The following NT5DC2 variants were observed in gnomAD, a reference collection of about 807,000 sequenced individuals.
NT5DC2 encodes 5'-nucleotidase domain containing 2.
Under a neutral mutation model 70.0 loss-of-function variants are expected in NT5DC2, and 41 were observed. That is an observed-to-expected ratio of 0.59 (90% CI 0.46 to 0.76). NT5DC2 has a LOEUF of 0.76. Among genes scored for constraint, NT5DC2 ranks in the 30% least tolerant of loss-of-function variants. NT5DC2 has a pLI of 0.00. For synonymous variants in NT5DC2, 299 were observed against 310.4 expected (o/e 0.96, Z 0.39); for missense variants, 705 against 783.2 (o/e 0.90, Z 1.19).
intron 1 of NT5DC2, among the ~76,000 whole-genome samples, chr3:52,530,774 A>T (rs2079349500): frequency 6.6e-6 from 1 of 152,254 alleles, no homozygotes; most frequent in African/African-American, 2.4e-5. Context: ...TCTGTGCAGC[A>T]ATCTCACTCT....
Position 52,533,702 on chromosome 3 carries a change from G to A in NT5DC2, c.36C>T (p.Arg12=). ...CGCCGTGGCCTCCGCACAGCAGCCA[G>A]CGCCGAGCGGCCGCCCGCAGCCCCG... ...AGAGLRAAAR[R]WLLCGGHGGP... The change falls in exon 1 of 14, where the codon CGC becomes CGT. Residue 12 remains arginine (R), a synonymous_variant. Coordinates refer to ENST00000422318, the MANE Select transcript of NT5DC2 (RefSeq NM_001134231.2). The A allele has an allele frequency of 1.2e-5, 12 of 1,023,356 alleles. No individual in the cohort carries two copies. The highest frequency in any genetic ancestry group is 1.4e-5 in the Non-Finnish European group (12 of 856,540). The allele number at this position is 1,023,356 out of a possible 1,614,324, so 63.4% of individuals were successfully genotyped here.
At position 52,528,437 on chromosome 3, in the gene NT5DC2, A is replaced by G. The variant is rs1429251134; in HGVS notation, c.642+9T>C. 6.2e-7 allele frequency: 1 copy of G among 1,613,424 alleles called. No individual in the cohort carries two copies. Among genetic ancestry groups the G allele is most frequent in the South Asian group, 1.1e-5 (1 of 91,078 alleles). On this transcript the variant is annotated intron_variant, in intron 5 of 13. Transcript: ENST00000422318. Reference sequence around the variant, plus strand: ...CATGGGGCAGGCTGGCTGCTGGGGTATGGAGTACCTTGCCATAGAAGCCAC... The same window carrying G: ...CATGGGGCAGGCTGGCTGCTGGGGTGTGGAGTACCTTGCCATAGAAGCCAC...
At position 52,525,042 on chromosome 3, in the gene NT5DC2, A is replaced by C. The variant is rs1311087215; in HGVS notation, c.1268T>G (p.Ile423Ser). 8.8e-6 allele frequency: 14 copies of C among 1,597,768 alleles called. No homozygotes were observed. Among genetic ancestry groups the C allele is most frequent in the Non-Finnish European group, 9.4e-6 (11 of 1,172,602 alleles). ...GTACTGCTCCGTGTTGATGATGCGG[A>C]TCTCACGCTCCAGCTCGGGGATGAT... The part of the protein sequence containing the change: ...GAIIPELERE[I>S]RIINTEQYMH... Residue 423 changes from isoleucine (I) to serine (S), a missense_variant, in exon 12 of 14, where the codon ATC becomes AGC. Coordinates refer to ENST00000422318, the MANE Select transcript of NT5DC2 (RefSeq NM_001134231.2).
Position 52,527,612 on chromosome 3 carries a change from C to T in NT5DC2, c.1037+5G>A. 1 of 1,612,598 alleles carries T rather than the reference C, an allele frequency of 6.2e-7. No homozygotes were observed. The highest frequency in any genetic ancestry group is 8.5e-7 in the Non-Finnish European group (1 of 1,179,776). ...CTGGCCCTGCAACCCCCACCATGCC[C>T]ATACTTGCGCCGGTCAGTGAAGAAG... On this transcript the variant is annotated splice_donor_5th_base_variant and intron_variant, in intron 9 of 13. Coordinates refer to ENST00000422318, the MANE Select transcript of NT5DC2 (RefSeq NM_001134231.2).
intron 9 of NT5DC2, 30 bp from the exon 10 acceptor site, chr3:52,527,405 A>C (rs2079293555): frequency 6.2e-7 from 1 of 1,610,764 alleles, no homozygotes; most frequent in African/African-American, 1.3e-5. Flanking sequence ...CATGACTTCC[A>C]GTCTGTGGCT....
In NT5DC2 at chr3:52,525,252, G is replaced by A; in HGVS notation, c.1163C>T (p.Pro388Leu). ...DFLRLTEWRG[P>L]RVLYFGDHLY... ...GTGGTCCCCGAAGTAGAGCACGCGG[G>A]GGCCACGCCATTCCGTCAAGCGTAA... The change falls in exon 11 of 14, where the codon CCC becomes CTC. Residue 388 changes from proline (P) to leucine (L), a missense_variant. Physicochemically the swap from Pro to Leu is moderately conservative, Grantham distance 98 (BLOSUM62 -3). Coordinates refer to ENST00000422318, the MANE Select transcript of NT5DC2 (RefSeq NM_001134231.2). 6.2e-7 allele frequency: 1 copy of A among 1,612,870 alleles called. No individual in the cohort carries two copies. The highest frequency in any genetic ancestry group is 1.1e-5 in the South Asian group (1 of 91,018).
chr3:52,524,877 T>C lies in NT5DC2; in HGVS notation c.1352A>G (p.Tyr451Cys), dbSNP rs1421951114. 2 of 1,612,264 alleles carry C rather than the reference T, an allele frequency of 1.2e-6. No homozygotes were observed. The highest frequency in any genetic ancestry group is 1.7e-5 in the Admixed American group (1 of 59,972). The change falls in exon 13 of 14, where the codon TAT becomes TGT. Residue 451 changes from tyrosine (Y) to cysteine (C), a missense_variant. Transcript: ENST00000422318. ...LTGLLERMQT[Y>C]QDAESRQVLA... ...CACCTGCCTCGACTCCGCGTCCTGA[T>C]AGGTCTGGGGACACAAAGTGTGCAT...
chr3:52,528,981 C>T (rs371043318), intron 2 of NT5DC2, 46 bp from the exon 3 acceptor site: 2 of 1,602,288 alleles, frequency 1.2e-6, no homozygotes, highest in African/African-American at 2.7e-5. Flanking sequence ...CCCTGCCAGA[C>T]CTGCTGGCTG....
chr3:52,524,672 T>C lies in NT5DC2; in HGVS notation c.1472A>G (p.Asn491Ser). Residue 491 changes from asparagine to serine, a missense_variant, in exon 14 of 14, where the codon AAC becomes AGC. By Grantham distance (46) the Asn-to-Ser change is conservative. Coordinates refer to ENST00000422318, the MANE Select transcript of NT5DC2 (RefSeq NM_001134231.2). The part of the protein sequence containing the change: ...QFGSIFRTFH[N>S]PTYFSRRLVR... ...GAGGCGCCTTGAGAAGTAGGTGGGGTTGTGGAAGGTGCGGAAGATGCTGCC... is the reference window on the plus strand; with the variant it reads ...GAGGCGCCTTGAGAAGTAGGTGGGGCTGTGGAAGGTGCGGAAGATGCTGCC... 1 of 1,612,572 alleles carries C rather than the reference T, an allele frequency of 6.2e-7. No individual in the cohort carries two copies. Among genetic ancestry groups the C allele is most frequent in the Non-Finnish European group, 8.5e-7 (1 of 1,179,944 alleles).
In NT5DC2 at chr3:52,533,716, C is replaced by T. The variant is rs886876737; in HGVS notation, c.22G>A (p.Ala8Thr). ...CACAGCAGCCAGCGCCGAGCGGCCG[C>T]CCGCAGCCCCGCACCCGCCATGCCC... MAGAGLR[A>T]AARRWLLCGG... Residue 8 changes from alanine to threonine, a missense_variant, in exon 1 of 14, where the codon GCG (alanine) becomes ACG (threonine). Physicochemically the swap from Ala to Thr is moderately conservative, Grantham distance 58. Transcript: ENST00000422318. 2 of 994,964 alleles carry T rather than the reference C, an allele frequency of 2.0e-6. No individual in the cohort carries two copies. The highest frequency in any genetic ancestry group is 2.4e-6 in the Non-Finnish European group (2 of 837,986). The allele number at this position is 994,964 out of a possible 1,614,324, so 61.6% of individuals were successfully genotyped here. A position where few individuals can be genotyped will look rare whatever the true frequency, so the allele number is the denominator to read the frequency against.
Position 52,529,849 on chromosome 3 carries a change from C to A in NT5DC2, c.233-515G>T. 5.9e-6 allele frequency: 1 copy of A among 170,390 alleles called. No individual in the cohort carries two copies. The highest frequency in any genetic ancestry group is 1.3e-5 in the Non-Finnish European group (1 of 77,364). The allele number at this position is 170,390 out of a possible 1,614,324, so 10.6% of individuals were successfully genotyped here. A position where few individuals can be genotyped will look rare whatever the true frequency, so the allele number is the denominator to read the frequency against. On this transcript the variant is annotated intron_variant, in intron 1 of 13. Transcript: ENST00000422318. This position sits in a 1 kb window ranked among gnomAD's most constrained non-coding sequence, Gnocchi z 4.1. ...TCAGCTGCCCTGCCCTGCCCCCTGG[C>A]CTCATCTCTCAGCCTCCCTGGGATT...
chr3:52,533,396 T>A (rs2079386478), intron 1 of NT5DC2, 110 bp downstream of exon 1: 2 of 1,196,270 alleles, frequency 1.7e-6, no homozygotes, highest in African/African-American at 1.6e-5. Flanking sequence ...TCCGGGGCCC[T>A]GGCGAGCCCC....
rs1420119415 is a variant in NT5DC2 at position 52,528,313 on chromosome 3, T to C, written c.643-2A>G. On this transcript the variant is annotated splice_acceptor_variant, in intron 5 of 13. Coordinates refer to ENST00000422318, the MANE Select transcript of NT5DC2 (RefSeq NM_001134231.2). LOFTEE classifies it high-confidence loss of function. ...CATGAACTGCTTAATGGAGGGACCC[T>C]GGGGAGGGGGCCATTGTCTCAGACA... The C allele has an allele frequency of 1.9e-6, 3 of 1,613,168 alleles. No individual in the cohort carries two copies.
Position 52,528,909 on chromosome 3 carries a change from G to A in NT5DC2, c.444C>T (p.Asp148=). The A allele has an allele frequency of 1.2e-6, 2 of 1,614,094 alleles. No individual in the cohort carries two copies. The highest frequency in any genetic ancestry group is 1.7e-6 in the Non-Finnish European group (2 of 1,180,014). The change falls in exon 3 of 14, where the codon GAC becomes GAT. Residue 148 remains aspartate (D), a synonymous_variant. Coordinates refer to ENST00000422318, the MANE Select transcript of NT5DC2 (RefSeq NM_001134231.2). ...YKYPEGIRKY[D]YNPSFAIRGL... is the part of the protein sequence containing the mutation. ...CACGGATGGCAAAGCTGGGGTTGTAGTCATACTTCCGAATCCCTTCTGGGT... is the reference window on the plus strand; with the variant it reads ...CACGGATGGCAAAGCTGGGGTTGTAATCATACTTCCGAATCCCTTCTGGGT...
rs1164551227 is a variant in NT5DC2, at chr3:52,529,454, C to T, written c.233-120G>A. The T allele has an allele frequency of 1.4e-5, 12 of 883,246 alleles. No individual in the cohort carries two copies. The highest frequency in any genetic ancestry group is 1.9e-5 in the Non-Finnish European group (11 of 569,288). The allele number at this position is 883,246 out of a possible 1,614,324, so 54.7% of individuals were successfully genotyped here. ...GCCTCAGAAACGCCCCACAATGGCA[C>T]CTCTTATTCCAGTGCTGGAGATGGT... On this transcript the variant is annotated intron_variant, in intron 1 of 13. Transcript: ENST00000422318. This position sits in a 1 kb window ranked among gnomAD's most constrained non-coding sequence, Gnocchi z 4.1.
At position 52,531,980 on chromosome 3, in the gene NT5DC2, G is replaced by A. The variant is rs1190104857; in HGVS notation, c.232+1526C>T. On this transcript the variant is annotated intron_variant, in intron 1 of 13. Coordinates refer to ENST00000422318, the MANE Select transcript of NT5DC2 (RefSeq NM_001134231.2). This position sits in a 1 kb window ranked among gnomAD's most constrained non-coding sequence, Gnocchi z 4.1. ...CACCGGGGTTGAGATCACCATTCAA[G>A]TCACCCCACCTGCATTAATCACTCT... 6.6e-6 allele frequency among the ~76,000 whole-genome samples: 1 copy of A among 152,140 alleles called. No individual in the cohort carries two copies. Among genetic ancestry groups the A allele is most frequent in the Non-Finnish European group, 1.5e-5 (1 of 68,032 alleles).
At position 52,524,680 on chromosome 3, in the gene NT5DC2, G is replaced by A; in HGVS notation, c.1464C>T (p.Thr488=). The A allele has an allele frequency of 1.2e-6, 2 of 1,612,922 alleles. No homozygotes were observed. Among genetic ancestry groups the A allele is most frequent in the Admixed American group, 1.7e-5 (1 of 60,030 alleles). ...FNAQFGSIFR[T]FHNPTYFSRR... Reference sequence around the variant, plus strand: ...TTGAGAAGTAGGTGGGGTTGTGGAAGGTGCGGAAGATGCTGCCGAACTGCG... The same window carrying A: ...TTGAGAAGTAGGTGGGGTTGTGGAAAGTGCGGAAGATGCTGCCGAACTGCG... The change falls in exon 14 of 14, where the codon ACC becomes ACT. Residue 488 remains threonine, a synonymous_variant. Coordinates refer to ENST00000422318, the MANE Select transcript of NT5DC2 (RefSeq NM_001134231.2).
Position 52,524,545 on chromosome 3 carries a change from T to A in NT5DC2, c.1599A>T (p.Ala533=). ...YPRRTPLQHE[A]PLWMDQLCTG... ...TGCAGAGCTGGTCCATCCAGAGGGG[T>A]GCCTCGTGCTGCAGCGGCGTACGGC... is the stretch of plus-strand genomic sequence containing the variant. The change falls in exon 14 of 14, where the codon GCA becomes GCT. Residue 533 remains alanine, a synonymous_variant. Transcript: ENST00000422318. 6.2e-7 allele frequency: 1 copy of A among 1,613,010 alleles called. No homozygotes were observed. The highest frequency in any genetic ancestry group is 1.1e-5 in the South Asian group (1 of 91,082).
intron 10 of NT5DC2, chr3:52,525,529 G>A (rs1004105929): frequency 1.3e-5 from 7 of 555,704 alleles, no homozygotes; most frequent in African/African-American, 5.7e-5. Context: ...CCCATGCCTC[G>A]AGGGCCTTCT....
Sources: gnomAD v4.1 joint callset for allele counts (sites outside exome capture counted in the v4.1 genomes callset) on GRCh38, gnomAD v4.1.1 for gene constraint, Gnocchi (gnomAD v3.1) non-coding constraint, MANE v1.5 for transcripts, NCBI Gene and HGNC (gene_info 2026-07-23, HGNC 2026-07-21) for gene names.